CNTLN: variants seen among roughly 807,000 people sequenced by gnomAD.
The protein encoded by CNTLN is centlein.
In CNTLN, 212 loss-of-function variants were observed where a neutral mutation model predicts 180.0. The observed-to-expected ratio is 1.18, with a 90% CI of 1.05 to 1.32. The LOEUF is 1.32. CNTLN is among the 40% of genes most tolerant of loss of function. The pLI, the probability that CNTLN is intolerant of heterozygous loss-of-function variation, is 0.00. For synonymous variants in CNTLN, 722 were observed against 563.1 expected, an observed-to-expected ratio of 1.28 and a Z score of -3.99; for missense variants, 2,095 against 1,610.9, an observed-to-expected ratio of 1.30 and a Z score of -5.14.
At chr9:17,453,536 G>A (rs945712348) in intron 18 of CNTLN, among the ~76,000 whole-genome samples, 5 of 152,090 alleles carry the variant, frequency 3.3e-5, no homozygotes, top group African/African-American at 1.2e-4. Flanking sequence ...TTAATTTTCT[G>A]TGCTACAAAA....
the CNTLN span, among the ~76,000 whole-genome samples, chr9:17,510,795 A>AGGCTC: frequency 6.6e-6 from 1 of 152,218 alleles, no homozygotes; most frequent in African/African-American, 2.4e-5. Context: ...GAACCCTAAT[A>AGGCTC]CACCAAGTTT....
In CNTLN at chr9:17,135,299, C is replaced by G. The variant is rs1817627034; in HGVS notation, c.234C>G (p.Pro78=). ...GGGGGGCAGCTCCGGCTCATGCTCC[C>G]CTCCTCAGCGCGCCCATGGGGTCCA... is the stretch of plus-strand genomic sequence containing the variant. ...GPGGAAPAHA[P]LLSAPMGSRR... is the part of the protein sequence containing the mutation. The change falls in exon 1 of 26, where the codon CCC becomes CCG. Residue 78 remains proline (P), a synonymous_variant. Transcript: ENST00000380647. The G allele has an allele frequency of 6.2e-7, 1 of 1,601,214 alleles. No individual in the cohort carries two copies. Among genetic ancestry groups the G allele is most frequent in the Non-Finnish European group, 8.5e-7 (1 of 1,174,788 alleles).
chr9:17,381,569 A>G (rs1365915910), intron 13 of CNTLN, among the ~76,000 whole-genome samples: 1 of 152,232 alleles, frequency 6.6e-6, no homozygotes, highest in East Asian at 1.9e-4. Context: ...CCCACCACCC[A>G]GTCCCAAAAT....
chr9:17,348,164 G>A (rs1021132419), intron 12 of CNTLN, among the ~76,000 whole-genome samples: 2 of 151,998 alleles, frequency 1.3e-5, no homozygotes, highest in East Asian at 1.9e-4. Flanking sequence ...TGAGTATGTC[G>A]TACGTCACTT....
intron 16 of CNTLN, among the ~76,000 whole-genome samples, chr9:17,411,289 A>T (rs1275239995): frequency 6.6e-6 from 1 of 152,156 alleles, no homozygotes; most frequent in East Asian, 1.9e-4. Flanking sequence ...GGACCTGGAA[A>T]AGGCCAGCCT....
downstream of CNTLN, among the ~76,000 whole-genome samples, chr9:17,505,586 A>G: frequency 6.6e-6 from 1 of 152,190 alleles, no homozygotes. Context: ...CAAAACATGC[A>G]TAGTACTTGT....
At chr9:17,338,537 T>C (rs1420537823) in intron 10 of CNTLN, among the ~76,000 whole-genome samples, 1 of 151,738 alleles carries the variant, frequency 6.6e-6, no homozygotes, top group African/African-American at 2.4e-5. Flanking sequence ...TCACTAATAT[T>C]GTTTTCTAGT....
chr9:17,450,325 T>C (rs185951939), intron 18 of CNTLN, among the ~76,000 whole-genome samples: 1 of 152,286 alleles, frequency 6.6e-6, no homozygotes, highest in East Asian at 1.9e-4. Flanking sequence ...TTTTTTTTTC[T>C]TGATAGGCAA....
intron 5 of CNTLN, among the ~76,000 whole-genome samples, chr9:17,249,266 T>C (rs1321080972): frequency 6.6e-6 from 1 of 152,064 alleles, no homozygotes; most frequent in Non-Finnish European, 1.5e-5. Flanking sequence ...TTTTGTCGTG[T>C]TGTGTTTCTT....
Position 17,394,978 on chromosome 9 carries a change from C to G in CNTLN, c.2524C>G (p.His842Asp), listed in dbSNP as rs778515902. 4.3e-6 allele frequency: 7 copies of G among 1,613,760 alleles called. No homozygotes were observed. The highest frequency in any genetic ancestry group is 5.1e-6 in the Non-Finnish European group (6 of 1,179,724). The change falls in exon 15 of 26, where the codon CAC becomes GAC. Residue 842 changes from histidine (H) to aspartate (D), a missense_variant. Coordinates refer to ENST00000380647, the MANE Select transcript of CNTLN (RefSeq NM_017738.4). ...AAKKNCSVGR[H>D]HTVLNHSIKV... is the part of the protein sequence containing the mutation. ...GAAGAAAAATTGCTCTGTGGGTCGT[C>G]ACCACACTGTTCTCAATCATTCCAT...
At chr9:17,308,017 C>CAT (rs1563981062) in intron 7 of CNTLN, among the ~76,000 whole-genome samples, 2 of 141,200 alleles carry the variant, frequency 1.4e-5, no homozygotes, top group Admixed American at 7.0e-5. Flanking sequence ...CACACACACA[C>CAT]ATTTTCGTTC....
Position 17,173,196 on chromosome 9 carries a change from C to G in CNTLN, c.449+29820C>G, listed in dbSNP as rs76095128. Among the ~76,000 whole-genome samples the G allele has an allele frequency of 1.6e-4, 25 of 152,126 alleles. No homozygotes were observed. In the East Asian group the frequency reaches 4.2e-3, roughly 26 times the overall value. On this transcript the variant is annotated intron_variant, in intron 2 of 25. Coordinates refer to ENST00000380647, the MANE Select transcript of CNTLN (RefSeq NM_017738.4). ...TAGCTATAATGCTGAATAATAATATCTAATATTTGTATATTACTTTAATTT... is the reference window on the plus strand; with the variant it reads ...TAGCTATAATGCTGAATAATAATATGTAATATTTGTATATTACTTTAATTT...
At chr9:17,326,490 T>C (rs10810758) in intron 8 of CNTLN, among the ~76,000 whole-genome samples, 1 of 151,792 alleles carries the variant, frequency 6.6e-6, no homozygotes, top group Non-Finnish European at 1.5e-5. Context: ...AGATCTATGA[T>C]GATATACATG....
chr9:17,370,147 G>C (rs1469782175), intron 13 of CNTLN, among the ~76,000 whole-genome samples: 1 of 151,968 alleles, frequency 6.6e-6, no homozygotes, highest in African/African-American at 2.4e-5. Flanking sequence ...TTATTCAAAG[G>C]GAAAATAACA....
chr9:17,226,161 C>A, intron 2 of CNTLN, 42 bp from the exon 3 acceptor site: 1 of 1,001,086 alleles, frequency 1.0e-6, no homozygotes, highest in South Asian at 1.6e-5. Flanking sequence ...AAAGTATTAG[C>A]TACCAGTTAT....
chr9:17,500,457 G>A (rs140614376), intron 25 of CNTLN, among the ~76,000 whole-genome samples: 2 of 152,174 alleles, frequency 1.3e-5, no homozygotes, highest in African/African-American at 4.8e-5. Flanking sequence ...ACTGGTGAAA[G>A]GTCTGTGACA....
chr9:17,190,087 A>G (rs559785608), intron 2 of CNTLN, among the ~76,000 whole-genome samples: 39 of 150,664 alleles, frequency 2.6e-4, no homozygotes, highest in Admixed American at 5.3e-4. Flanking sequence ...CTGTGTCTGC[A>G]CAACTTAATG....
At chr9:17,406,298 A>T (rs1023805954) in intron 15 of CNTLN, among the ~76,000 whole-genome samples, 9 of 151,810 alleles carry the variant, frequency 5.9e-5, no homozygotes, top group African/African-American at 2.2e-4. Context: ...ATCTATCATC[A>T]GTTGCCTGGA....
intron 7 of CNTLN, chr9:17,300,918 C>A: frequency 1.1e-6 from 1 of 939,694 alleles, no homozygotes. Context: ...TGCATAGATA[C>A]CATTTTACTT....
Sources: gnomAD v4.1 joint callset for allele counts (sites outside exome capture counted in the v4.1 genomes callset) on GRCh38, gnomAD v4.1.1 for gene constraint, MANE v1.5 for transcripts, NCBI Gene and HGNC (gene_info 2026-07-23, HGNC 2026-07-21) for gene names.